TRMU: variants seen among roughly 807,000 people sequenced by gnomAD.
TRMU encodes the protein mitochondrial tRNA-specific 2-thiouridylase 1.
TRMU carries 49 observed loss-of-function variants against 46.9 expected under a neutral mutation model. The ratio of observed to expected loss-of-function variants is 1.05; its 90% CI spans 0.83 to 1.33. TRMU has a LOEUF of 1.33. TRMU is among the 40% of genes most tolerant of loss of function. TRMU has a pLI of 0.00. For missense variants in TRMU, 572 were observed against 532.4 expected, an observed-to-expected ratio of 1.07 and a Z score of -0.73; for synonymous variants, 241 against 200.9, an observed-to-expected ratio of 1.20 and a Z score of -1.69.
Position 46,346,120 on chromosome 22 carries a change from T to G in TRMU, c.356-302T>G, listed in dbSNP as rs572672386. On this transcript the variant is annotated intron_variant, in intron 3 of 10. Coordinates refer to ENST00000645190, the MANE Select transcript of TRMU (RefSeq NM_018006.5). ...GAAAGGAATATTTTGTGTTTAAATCTTTCTGTGCCTTTCAGACTGTTTCCT... is the reference window on the plus strand; with the variant it reads ...GAAAGGAATATTTTGTGTTTAAATCGTTCTGTGCCTTTCAGACTGTTTCCT... Among the ~76,000 whole-genome samples, 8 of 152,334 alleles carry G rather than the reference T, an allele frequency of 5.3e-5. No individual in the cohort carries two copies. The South Asian group carries it at 1.7e-3, about 32-fold the overall frequency.
At chr22:46,355,203 C>T in intron 8 of TRMU, 1 of 621,992 alleles carries the variant, frequency 1.6e-6, no homozygotes, top group South Asian at 1.9e-5. Flanking sequence ...ACCCCTGCCT[C>T]TTGCCCACTC....
chr22:46,343,221 T>G, intron 2 of TRMU, 41 bp from the exon 3 acceptor site: 1 of 1,284,586 alleles, frequency 7.8e-7, no homozygotes, highest in Non-Finnish European at 1.1e-6. Context: ...TTTTGAGGAA[T>G]GTTTCACACT....
rs752260369 is a variant in TRMU at position 46,348,328 on chromosome 22, C to T, written c.478+1784C>T. Among the ~76,000 whole-genome samples the T allele has an allele frequency of 5.9e-5, 9 of 152,212 alleles. No homozygotes were observed. The highest frequency in any genetic ancestry group is 1.3e-4 in the Admixed American group (2 of 15,276). On this transcript the variant is annotated intron_variant, in intron 4 of 10. Coordinates refer to ENST00000645190, the MANE Select transcript of TRMU (RefSeq NM_018006.5). The surrounding 1 kb of genome is among the most constrained non-coding windows in gnomAD (Gnocchi z 4.8). ...TCGGAAACTTGGGACAGTACTGATG[C>T]GTTCTGTTGAGTGCGTTTGGCATGT... is the stretch of plus-strand genomic sequence containing the variant.
chr22:46,346,065 C>T (rs2078248025), intron 3 of TRMU, among the ~76,000 whole-genome samples: 1 of 152,228 alleles, frequency 6.6e-6, no homozygotes. Context: ...GCCACCGCGC[C>T]TGGCCTCCCT....
In TRMU at chr22:46,349,071, G is replaced by A. The variant is rs987566670; in HGVS notation, c.479-1220G>A. 2.0e-5 allele frequency among the ~76,000 whole-genome samples: 3 copies of A among 151,978 alleles called. No homozygotes were observed. The highest frequency in any genetic ancestry group is 6.6e-5 in the Admixed American group (1 of 15,266). On this transcript the variant is annotated intron_variant, in intron 4 of 10. Transcript: ENST00000645190. The surrounding 1 kb of genome is among the most constrained non-coding windows in gnomAD (Gnocchi z 4.6). ...GGAGAATCACTTGAACCCAGGAGGCGGAGATTGCCGTGAGCCGAGATGTGC... is the reference window on the plus strand; with the variant it reads ...GGAGAATCACTTGAACCCAGGAGGCAGAGATTGCCGTGAGCCGAGATGTGC...
rs1230545127 is a variant in TRMU at position 46,350,421 on chromosome 22, C to T, written c.609C>T (p.Ile203=). 3.1e-6 allele frequency: 5 copies of T among 1,614,024 alleles called. No homozygotes were observed. The highest frequency in any genetic ancestry group is 4.5e-5 in the East Asian group (2 of 44,884). Residue 203 remains isoleucine (I), a synonymous_variant, in exon 5 of 11, where the codon ATC becomes ATT. Coordinates refer to ENST00000645190, the MANE Select transcript of TRMU (RefSeq NM_018006.5). The surrounding 1 kb of genome is among the most constrained non-coding windows in gnomAD (Gnocchi z 4.6). ...TAACGAAAGAGTTTGTAAAGAAAAT[C>T]GCTGCTGAGAATAGACTTCATCATG... is the stretch of plus-strand genomic sequence containing the variant. ...GGLTKEFVKK[I]AAENRLHHVL...
chr22:46,356,068 G>A lies in TRMU; in HGVS notation c.1097G>A (p.Gly366Glu). ...AVQAVRALATGQFAVFYKGDE... is the reference protein window; with the variant it reads ...AVQAVRALATEQFAVFYKGDE... ...CAGGCTGTGCGTGCCCTTGCCACAGGACAGGTGCGTGGGGTGTGGGGGTGA... is the reference window on the plus strand; with the variant it reads ...CAGGCTGTGCGTGCCCTTGCCACAGAACAGGTGCGTGGGGTGTGGGGGTGA... Residue 366 changes from glycine (G) to glutamate (E), a missense_variant, in exon 10 of 11, where the codon GGA becomes GAA. Coordinates refer to ENST00000645190, the MANE Select transcript of TRMU (RefSeq NM_018006.5). 1 of 1,613,936 alleles carries A rather than the reference G, an allele frequency of 6.2e-7. No individual in the cohort carries two copies. Among genetic ancestry groups the A allele is most frequent in the Non-Finnish European group, 8.5e-7 (1 of 1,179,984 alleles).
Position 46,335,858 on chromosome 22 carries a change from G to A in TRMU, c.82+12G>A, listed in dbSNP as rs1384397222. On this transcript the variant is annotated intron_variant, in intron 1 of 10. Coordinates refer to ENST00000645190, the MANE Select transcript of TRMU (RefSeq NM_018006.5). ...GCTGAGGCGGAGAGGTGAGGCGTCC[G>A]AGGCTCCCGCCCCCCGCCGAGCGAA... The A allele has an allele frequency of 2.0e-6, 3 of 1,537,206 alleles. No individual in the cohort carries two copies. Among genetic ancestry groups the A allele is most frequent in the Admixed American group, 2.0e-5 (1 of 50,938 alleles).
chr22:46,353,985 ACT>A, intron 8 of TRMU, 118 bp downstream of exon 8: 1 of 888,764 alleles, frequency 1.1e-6, no homozygotes. Flanking sequence ...GCTGTGACTA[ACT>A]CTGTTCCTGT....
In TRMU at chr22:46,345,277, T is replaced by C. The variant is rs573310060; in HGVS notation, c.356-1145T>C. Reference sequence around the variant, plus strand: ...TTGTAGAGACGGGGTTTCATCATGTTGGCCAGGCTGGTCTCAAACTCCTGA... The same window carrying C: ...TTGTAGAGACGGGGTTTCATCATGTCGGCCAGGCTGGTCTCAAACTCCTGA... On this transcript the variant is annotated intron_variant, in intron 3 of 10. Transcript: ENST00000645190. 5.3e-5 allele frequency among the ~76,000 whole-genome samples: 8 copies of C among 152,276 alleles called. 1 individual carries two copies. In the South Asian group the frequency reaches 1.7e-3, roughly 32 times the overall value.
chr22:46,353,724 G>T, intron 7 of TRMU, 43 bp from the exon 8 acceptor site: 1 of 1,590,800 alleles, frequency 6.3e-7, no homozygotes, highest in Non-Finnish European at 8.6e-7. Flanking sequence ...CATGTGGGCT[G>T]TAACTTGTTG....
At position 46,335,855 on chromosome 22, in the gene TRMU, T is replaced by C. The variant is rs2147846554; in HGVS notation, c.82+9T>C. Reference sequence around the variant, plus strand: ...GCTGCTGAGGCGGAGAGGTGAGGCGTCCGAGGCTCCCGCCCCCCGCCGAGC... The same window carrying C: ...GCTGCTGAGGCGGAGAGGTGAGGCGCCCGAGGCTCCCGCCCCCCGCCGAGC... On this transcript the variant is annotated intron_variant, in intron 1 of 10. Coordinates refer to ENST00000645190, the MANE Select transcript of TRMU (RefSeq NM_018006.5). The C allele has an allele frequency of 1.9e-6, 3 of 1,538,684 alleles. No homozygotes were observed. Among genetic ancestry groups the C allele is most frequent in the African/African-American group, 1.4e-5 (1 of 72,520 alleles).
At chr22:46,354,760 G>A (rs2147109029) in intron 8 of TRMU, 1 of 153,534 alleles carries the variant, frequency 6.5e-6, no homozygotes, top group Non-Finnish European at 1.4e-5. Context: ...TCCTGTCCCT[G>A]GACGGGTCTT....
In TRMU at chr22:46,355,277, G is replaced by A. The variant is rs181611281; in HGVS notation, c.874-167G>A. The A allele has an allele frequency of 7.4e-4, 787 of 1,065,910 alleles. 3 individuals carry two copies. In the African/African-American group the frequency reaches 0.011, roughly 14 times the overall value. The allele number at this position is 1,065,910 out of a possible 1,614,324, so 66.0% of individuals were successfully genotyped here. On this transcript the variant is annotated intron_variant, in intron 8 of 10. Transcript: ENST00000645190. ...CTGTAAAATGGGGATTCAAAGGCCC[G>A]GCGGGTGATGAGATGAATTTCTGTG...
rs2078063470 is a variant in TRMU, at chr22:46,339,419, GGATTACA to G, written c.248+1477_248+1483del. Reference sequence around the variant, plus strand: ...CTCGTCTCAGCCTCCCAAAGTGCTGGGATTACAGGCGTGAGCCACCACGCCAGCCTGC... The same window carrying G: ...CTCGTCTCAGCCTCCCAAAGTGCTGGGGCGTGAGCCACCACGCCAGCCTGC... On this transcript the variant is annotated intron_variant, in intron 2 of 10. Transcript: ENST00000645190. The surrounding 1 kb of genome is among the most constrained non-coding windows in gnomAD (Gnocchi z 4.8). 6.6e-6 allele frequency among the ~76,000 whole-genome samples: 1 copy of G among 152,150 alleles called. No individual in the cohort carries two copies.
intron 3 of TRMU, 142 bp downstream of exon 3, chr22:46,343,510 T>C: frequency 1.5e-6 from 1 of 683,460 alleles, no homozygotes; most frequent in Non-Finnish European, 2.5e-6. Context: ...CCCAGGCTCC[T>C]GAGTAGCTTG....
At position 46,357,190 on chromosome 22, in the gene TRMU, G is replaced by A. The variant is rs2147125493; in HGVS notation, c.*184G>A. 4 of 771,016 alleles carry A rather than the reference G, an allele frequency of 5.2e-6. No individual in the cohort carries two copies. The highest frequency in any genetic ancestry group is 8.4e-6 in the Non-Finnish European group (4 of 478,602). The allele number at this position is 771,016 out of a possible 1,614,324, so 47.8% of individuals were successfully genotyped here. ...AGGAAGAGCCTCAGCTCCAGGCTGG[G>A]GCTCTGGCTGCTGGAGCATCTGCTG... On this transcript the variant is annotated 3_prime_UTR_variant, in exon 11 of 11. Coordinates refer to ENST00000645190, the MANE Select transcript of TRMU (RefSeq NM_018006.5).
intron 1 of TRMU, 23 bp downstream of exon 1, chr22:46,335,869 C>T (rs1208379702): frequency 1.3e-6 from 2 of 1,534,052 alleles, no homozygotes; most frequent in Admixed American, 2.0e-5. Flanking sequence ...AGGCTCCCGC[C>T]CCCCGCCGAG....
Position 46,356,895 on chromosome 22 carries a change from G to C in TRMU, c.1155G>C (p.Arg385=). 6.2e-7 allele frequency: 1 copy of C among 1,613,314 alleles called. No homozygotes were observed. The highest frequency in any genetic ancestry group is 8.5e-7 in the Non-Finnish European group (1 of 1,179,980). The change falls in exon 11 of 11, where the codon CGG becomes CGC. Residue 385 remains arginine (R), a synonymous_variant. Transcript: ENST00000645190. ...DECLGSGKIL[R]LGPSAYTLQK... ...GCCTGGGCAGCGGGAAGATCCTGCG[G>C]CTGGGGCCGTCTGCCTACACGCTCC...
Sources: allele counts gnomAD v4.1 joint callset (sites outside exome capture counted in the v4.1 genomes callset), GRCh38; gene constraint gnomAD v4.1.1; non-coding constraint Gnocchi (gnomAD v3.1); transcripts MANE v1.5; gene names NCBI Gene and HGNC (gene_info 2026-07-23, HGNC 2026-07-21).